Variants in SMPD3 observed in about 807,000 individuals in gnomAD.
SMPD3 encodes nSMase-2.
In SMPD3, 21 loss-of-function variants were observed where a neutral mutation model predicts 55.7. The observed-to-expected ratio is 0.38, with a 90% CI of 0.27 to 0.54. The LOEUF (loss-of-function observed/expected upper bound fraction) is 0.54. Ranked by LOEUF, SMPD3 falls within the 20% of genes least tolerant of loss-of-function variation. SMPD3 has a pLI of 0.80. For synonymous variants in SMPD3, 457 were observed against 404.3 expected (o/e 1.13, Z -1.56); for missense variants, 842 against 899.6 (o/e 0.94, Z 0.82).
chr16:68,418,940 G>A (rs2090362373), intron 1 of SMPD3, among the ~76,000 whole-genome samples: 1 of 152,182 alleles, frequency 6.6e-6, no homozygotes, highest in African/African-American at 2.4e-5. Flanking sequence ...TCCTCCTAGA[G>A]GGGAGAAAGG....
At chr16:68,421,347 G>T (rs1240273836) in intron 1 of SMPD3, among the ~76,000 whole-genome samples, 1 of 152,298 alleles carries the variant, frequency 6.6e-6, no homozygotes, top group South Asian at 2.1e-4. Flanking sequence ...TGTAACTCAA[G>T]GTAAAGAGCT....
rs968949490 is a variant in SMPD3 at position 68,359,339 on chromosome 16, G to C, written c.*1867C>G. The C allele has an allele frequency of 6.6e-6, 1 of 152,378 alleles. No individual in the cohort carries two copies. The highest frequency in any genetic ancestry group is 2.4e-5 in the African/African-American group (1 of 41,452). 9.4% of individuals were successfully genotyped at this position (152,378 alleles called of 1,614,324 possible). ...CCCTTGGAGGGGTGGGCCGGGCAGAGAGCCCAGCAGGATGCTCGCCCTCAG... is the reference window on the plus strand; with the variant it reads ...CCCTTGGAGGGGTGGGCCGGGCAGACAGCCCAGCAGGATGCTCGCCCTCAG... On this transcript the variant is annotated 3_prime_UTR_variant, in exon 9 of 9. Transcript: ENST00000219334.
chr16:68,365,645 C>T (rs551516813), intron 3 of SMPD3, among the ~76,000 whole-genome samples: 1 of 152,146 alleles, frequency 6.6e-6, no homozygotes, highest in African/African-American at 2.4e-5. Context: ...CTTTATAGGC[C>T]GTGGTCCCGT....
chr16:68,381,323 C>A (rs1597625681), intron 2 of SMPD3, among the ~76,000 whole-genome samples: 1 of 152,230 alleles, frequency 6.6e-6, no homozygotes, highest in Non-Finnish European at 1.5e-5. Flanking sequence ...AACACCCTCC[C>A]CTTTGAGAGA....
chr16:68,370,935 A>G lies in SMPD3; in HGVS notation c.1247T>C (p.Met416Thr). 1 of 1,614,204 alleles carries G rather than the reference A, an allele frequency of 6.2e-7. No homozygotes were observed. The highest frequency in any genetic ancestry group is 8.5e-7 in the Non-Finnish European group (1 of 1,180,022). Residue 416 changes from methionine (M) to threonine (T), a missense_variant, in exon 3 of 9, where the codon ATG (methionine) becomes ACG (threonine). By Grantham distance (81) the Met-to-Thr change is moderately conservative (BLOSUM62 -1). This residue lies in a region of SMPD3 where 649 missense variants were observed against 643.6 expected (regional missense o/e 1.01). Coordinates refer to ENST00000219334, the MANE Select transcript of SMPD3 (RefSeq NM_018667.4). Reference protein sequence around the residue: ...GLLFASRYPIMDVAYHCYPNK... With the variant: ...GLLFASRYPITDVAYHCYPNK... The stretch of plus-strand genomic sequence containing the variant: ...GGGGTAACAGTGATAGGCCACGTCC[A>G]TGATGGGGTAGCGGCTGGCAAAGAG...
chr16:68,404,839 C>A lies in SMPD3; in HGVS notation c.-268-18180G>T, dbSNP rs1409758346. ...ACAGATCTACTCCAGTGACTTGGAA[C>A]ACTGTGTGGGAGACTTGTCCTTGGC... On this transcript the variant is annotated intron_variant, in intron 1 of 8. Coordinates refer to ENST00000219334, the MANE Select transcript of SMPD3 (RefSeq NM_018667.4). The surrounding 1 kb of genome is among the most constrained non-coding windows in gnomAD (Gnocchi z 4.0). Among the ~76,000 whole-genome samples the A allele has an allele frequency of 6.6e-6, 1 of 152,216 alleles. No individual in the cohort carries two copies. The highest frequency in any genetic ancestry group is 2.4e-5 in the African/African-American group (1 of 41,468).
At chr16:68,411,090 C>T (rs1440270297) in intron 1 of SMPD3, among the ~76,000 whole-genome samples, 1 of 152,266 alleles carries the variant, frequency 6.6e-6, no homozygotes, top group Non-Finnish European at 1.5e-5. Flanking sequence ...TGTGGCTGCA[C>T]TCCTCTATGA....
intron 1 of SMPD3, among the ~76,000 whole-genome samples, chr16:68,430,970 G>C (rs1012632341): frequency 1.3e-5 from 2 of 152,188 alleles, no homozygotes; most frequent in African/African-American, 4.8e-5. Flanking sequence ...CATCTGACCT[G>C]ATTTTGGCCC....
intron 1 of SMPD3, among the ~76,000 whole-genome samples, chr16:68,419,195 G>A (rs2090365540): frequency 1.3e-5 from 2 of 152,168 alleles, no homozygotes. Flanking sequence ...TAGGAGGGTC[G>A]GGGGGTCTTG....
Position 68,360,896 on chromosome 16 carries a change from A to C in SMPD3, c.*310T>G. 2.8e-6 allele frequency: 1 copy of C among 361,314 alleles called. No individual in the cohort carries two copies. The highest frequency in any genetic ancestry group is 5.1e-6 in the Non-Finnish European group (1 of 195,262). The allele number at this position is 361,314 out of a possible 1,614,324, so 22.4% of individuals were successfully genotyped here. ...GCTTAAGAGGAGATACAGAGAGTAC[A>C]CGAACCCGGTCCTCATACTAACCCA... On this transcript the variant is annotated 3_prime_UTR_variant, in exon 9 of 9. Transcript: ENST00000219334.
At position 68,361,708 on chromosome 16, in the gene SMPD3, G is replaced by A. The variant is rs748904266; in HGVS notation, c.1761C>T (p.Ser587=). The change falls in exon 8 of 9, where the codon AGC becomes AGT. Residue 587 remains serine (S), a synonymous_variant. Transcript: ENST00000219334. ...TCCGCCCCTTCTGGCCCGAGCTCTT[G>A]CTGGTGGGAAACGCCAGGTACTCCC... ...GRREYLAFPT[S]KSSGQKGRKE... is the part of the protein sequence containing the mutation. 1.2e-6 allele frequency: 2 copies of A among 1,613,102 alleles called. No individual in the cohort carries two copies. The highest frequency in any genetic ancestry group is 1.7e-6 in the Non-Finnish European group (2 of 1,179,970).
rs1291548741 is a variant in SMPD3 at position 68,404,448 on chromosome 16, C to A, written c.-268-17789G>T. On this transcript the variant is annotated intron_variant, in intron 1 of 8. Transcript: ENST00000219334. This position sits in a 1 kb window ranked among gnomAD's most constrained non-coding sequence, Gnocchi z 4.0. Reference sequence around the variant, plus strand: ...CCTGAACTCCTGGGCTCAAGGGATTCGCTTGCCTTGGCCTCCCAGGCATGA... The same window carrying A: ...CCTGAACTCCTGGGCTCAAGGGATTAGCTTGCCTTGGCCTCCCAGGCATGA... 2.0e-5 allele frequency among the ~76,000 whole-genome samples: 3 copies of A among 152,248 alleles called. No homozygotes were observed. Among genetic ancestry groups the A allele is most frequent in the Middle Eastern group, 3.4e-3 (1 of 294 alleles).
At chr16:68,426,735 G>C (rs185466758) in intron 1 of SMPD3, among the ~76,000 whole-genome samples, 2 of 152,272 alleles carry the variant, frequency 1.3e-5, no homozygotes, top group African/African-American at 2.4e-5. Context: ...AACCCTGACT[G>C]TGTGTACACA....
At chr16:68,374,858 G>C (rs2089770017) in intron 2 of SMPD3, among the ~76,000 whole-genome samples, 2 of 152,200 alleles carry the variant, frequency 1.3e-5, no homozygotes, top group African/African-American at 4.8e-5. Flanking sequence ...GGGGCCAGAG[G>C]GAGAGCTTGC....
At chr16:68,420,230 AC>A (rs2090380835) in intron 1 of SMPD3, among the ~76,000 whole-genome samples, 1 of 152,154 alleles carries the variant, frequency 6.6e-6, no homozygotes, top group African/African-American at 2.4e-5. Flanking sequence ...CGTGTGAGCC[AC>A]CATGCCCGGC....
At chr16:68,382,458 G>T (rs77284936) in intron 2 of SMPD3, among the ~76,000 whole-genome samples, 2,941 of 152,346 alleles carry the variant, frequency 0.019, 125 homozygotes, top group African/African-American at 0.066. Flanking sequence ...GCTGCTCAGG[G>T]TATTGCACGG....
chr16:68,445,089 C>T (rs963867997), intron 1 of SMPD3, among the ~76,000 whole-genome samples: 8 of 152,246 alleles, frequency 5.3e-5, no homozygotes, highest in African/African-American at 9.6e-5. Flanking sequence ...CTCTCTCCCC[C>T]ACTTCTGTCA....
At chr16:68,375,715 A>G (rs2089795152) in intron 2 of SMPD3, among the ~76,000 whole-genome samples, 1 of 152,090 alleles carries the variant, frequency 6.6e-6, no homozygotes, top group African/African-American at 2.4e-5. Context: ...CCTGCCAGCA[A>G]TGGTAGTGAG....
chr16:68,406,935 G>A (rs951326603), intron 1 of SMPD3, among the ~76,000 whole-genome samples: 5 of 152,204 alleles, frequency 3.3e-5, no homozygotes, highest in Non-Finnish European at 5.9e-5. Context: ...CATGGGGGTA[G>A]GGCAGTAGAG....
Sources: allele counts gnomAD v4.1 joint callset (sites outside exome capture counted in the v4.1 genomes callset), GRCh38; gene constraint gnomAD v4.1.1; regional missense constraint gnomAD v4.1.1; non-coding constraint Gnocchi (gnomAD v3.1); transcripts MANE v1.5; gene names NCBI Gene and HGNC (gene_info 2026-07-23, HGNC 2026-07-21).